Variants in PTPRT observed in about 807,000 individuals in gnomAD.
PTPRT encodes receptor-type tyrosine-protein phosphatase T.
Under a neutral mutation model 176.8 loss-of-function variants are expected in PTPRT, and 56 were observed. That is an observed-to-expected ratio of 0.32 (90% CI 0.26 to 0.40). The LOEUF (loss-of-function observed/expected upper bound fraction) is 0.40. Ranked by LOEUF, PTPRT falls within the 10% of genes least tolerant of loss-of-function variation. The pLI is 1.00. For synonymous variants in PTPRT, 783 were observed against 739.0 expected (o/e 1.06, Z -0.96); for missense variants, 1,540 against 1,908.2 (o/e 0.81, Z 3.60).
chr20:43,146,266 T>G (rs1206671662), intron 1 of PTPRT, among the ~76,000 whole-genome samples: 1 of 152,190 alleles, frequency 6.6e-6, no homozygotes, highest in Non-Finnish European at 1.5e-5. Flanking sequence ...TAACACAATA[T>G]GCCAACCAGT....
At chr20:42,571,259 CTTAT>C (rs766316748) in intron 7 of PTPRT, among the ~76,000 whole-genome samples, 8 of 152,074 alleles carry the variant, frequency 5.3e-5, no homozygotes, top group Non-Finnish European at 7.4e-5. Flanking sequence ...ATCATGTACA[CTTAT>C]TTGTTTCTGT....
At chr20:42,508,304 A>T (rs1210152964) in intron 7 of PTPRT, among the ~76,000 whole-genome samples, 1 of 151,892 alleles carries the variant, frequency 6.6e-6, no homozygotes, top group Non-Finnish European at 1.5e-5. Flanking sequence ...TAAGCTGTGG[A>T]TTTTAATGCA....
At chr20:42,788,680 T>C (rs541665577) in intron 3 of PTPRT, among the ~76,000 whole-genome samples, 1 of 152,086 alleles carries the variant, frequency 6.6e-6, no homozygotes, top group Non-Finnish European at 1.5e-5. Flanking sequence ...ATAAAAACCT[T>C]AAGAAAACCC....
At chr20:42,274,906 T>G (rs931404074) in intron 13 of PTPRT, among the ~76,000 whole-genome samples, 1 of 152,144 alleles carries the variant, frequency 6.6e-6, no homozygotes, top group South Asian at 2.1e-4. Flanking sequence ...AAAAGAGGCA[T>G]GGGAAGAGGT....
chr20:42,603,470 C>A (rs1569009330), intron 7 of PTPRT, among the ~76,000 whole-genome samples: 1 of 152,130 alleles, frequency 6.6e-6, no homozygotes, highest in Non-Finnish European at 1.5e-5. Context: ...GCCAGTACGG[C>A]TGGAGCATAG....
At chr20:42,950,738 T>C (rs1287689323) in intron 1 of PTPRT, among the ~76,000 whole-genome samples, 2 of 152,214 alleles carry the variant, frequency 1.3e-5, no homozygotes, top group East Asian at 3.8e-4. Flanking sequence ...TGCCCTTAAA[T>C]ATTAATATGT....
intron 11 of PTPRT, among the ~76,000 whole-genome samples, chr20:42,336,543 T>C (rs960718142): frequency 6.6e-6 from 1 of 152,208 alleles, no homozygotes; most frequent in Non-Finnish European, 1.5e-5. Flanking sequence ...GGTTAATGTA[T>C]ATGAATTGGC....
At chr20:42,547,702 C>T (rs531193949) in intron 7 of PTPRT, among the ~76,000 whole-genome samples, 1 of 151,834 alleles carries the variant, frequency 6.6e-6, no homozygotes, top group African/African-American at 2.4e-5. Flanking sequence ...AAAGAAAACA[C>T]AAAGGTCCCT....
At chr20:42,889,643 A>C (rs1215054403) in intron 1 of PTPRT, among the ~76,000 whole-genome samples, 1 of 152,232 alleles carries the variant, frequency 6.6e-6, no homozygotes, top group African/African-American at 2.4e-5. Context: ...GAATCCCAGC[A>C]ATACACACAG....
intron 6 of PTPRT, among the ~76,000 whole-genome samples, chr20:42,729,009 ATG>A (rs1489593800): frequency 6.6e-6 from 1 of 152,172 alleles, no homozygotes; most frequent in East Asian, 1.9e-4. Flanking sequence ...TCTATAAATG[ATG>A]TGACTCAACT....
At chr20:43,001,855 AAAACAAACAAAC>A (rs142757616) in intron 1 of PTPRT, among the ~76,000 whole-genome samples, 69 of 150,876 alleles carry the variant, frequency 4.6e-4, no homozygotes, top group Non-Finnish European at 5.9e-4. Context: ...CAAACATTGT[AAAACAAACAAAC>A]AAACAAACAA....
chr20:42,383,431 A>C (rs1273516556), intron 9 of PTPRT, among the ~76,000 whole-genome samples: 4 of 146,724 alleles, frequency 2.7e-5, no homozygotes, highest in African/African-American at 5.0e-5. Context: ...AAAAAAAAAA[A>C]CAACTATTTG....
At chr20:42,947,876 A>G (rs868340103) in intron 1 of PTPRT, among the ~76,000 whole-genome samples, 2 of 152,110 alleles carry the variant, frequency 1.3e-5, no homozygotes, top group African/African-American at 2.4e-5. Flanking sequence ...ATCCTTATCT[A>G]GGATGTAAAA....
At chr20:42,801,050 A>C (rs962578019) in intron 2 of PTPRT, among the ~76,000 whole-genome samples, 5 of 152,064 alleles carry the variant, frequency 3.3e-5, no homozygotes, top group Non-Finnish European at 5.9e-5. Context: ...CTATTTCTCA[A>C]AGAGCTCCAT....
At chr20:42,925,314 C>A (rs1429892371) in intron 1 of PTPRT, among the ~76,000 whole-genome samples, 1 of 152,144 alleles carries the variant, frequency 6.6e-6, no homozygotes, top group African/African-American at 2.4e-5. Context: ...GCTATAAACA[C>A]ATAATGAGGC....
At chr20:43,019,448 A>G (rs1040657666) in intron 1 of PTPRT, among the ~76,000 whole-genome samples, 4 of 151,854 alleles carry the variant, frequency 2.6e-5, no homozygotes, top group East Asian at 1.9e-4. Flanking sequence ...GTGAAACCCC[A>G]TCTCTATTAA....
At chr20:42,247,198 T>C (rs1196994088) in intron 14 of PTPRT, among the ~76,000 whole-genome samples, 2 of 152,128 alleles carry the variant, frequency 1.3e-5, no homozygotes, top group Non-Finnish European at 2.9e-5. Flanking sequence ...AGGCAAGACA[T>C]GATCCTATTA....
At chr20:43,030,174 C>A (rs1165035477) in intron 1 of PTPRT, among the ~76,000 whole-genome samples, 1 of 152,188 alleles carries the variant, frequency 6.6e-6, no homozygotes, top group Non-Finnish European at 1.5e-5. Flanking sequence ...TACTATGTGA[C>A]AGGTACTGGA....
chr20:42,138,066 C>T (rs6130054), intron 18 of PTPRT, among the ~76,000 whole-genome samples: 22,498 of 152,174 alleles, frequency 0.15, 2,222 homozygotes, highest in East Asian at 0.48. Flanking sequence ...TAGAGGGCTT[C>T]TAGAAATACA....
Sources: gnomAD v4.1 joint callset for allele counts (sites outside exome capture counted in the v4.1 genomes callset) on GRCh38, gnomAD v4.1.1 for gene constraint, MANE v1.5 for transcripts, NCBI Gene and HGNC (gene_info 2026-07-23, HGNC 2026-07-21) for gene names.